GABRA2: variants seen among roughly 807,000 people sequenced by gnomAD.
GABRA2 encodes gamma-aminobutyric acid receptor subunit alpha-2.
A neutral mutation model predicts 48.7 loss-of-function variants in GABRA2; 16 were observed. The observed-to-expected ratio is 0.33, with a 90% confidence interval of 0.22 to 0.50. The LOEUF (loss-of-function observed/expected upper bound fraction) is 0.50. GABRA2 is among the 20% of genes least tolerant of loss of function. The pLI, the probability that GABRA2 is intolerant of heterozygous loss-of-function variation, is 0.98. For synonymous variants in GABRA2, 185 were observed against 184.5 expected (o/e 1.00, Z -0.02); for missense variants, 275 against 535.6 (o/e 0.51, Z 4.80).
chr4:46,354,742 G>C (rs754793804), intron 3 of GABRA2, among the ~76,000 whole-genome samples: 1 of 152,116 alleles, frequency 6.6e-6, no homozygotes, highest in Non-Finnish European at 1.5e-5. Flanking sequence ...GATTCCTCTT[G>C]ATGTCACACA....
chr4:46,259,686 C>T (rs1351770366), intron 9 of GABRA2, among the ~76,000 whole-genome samples: 1 of 151,766 alleles, frequency 6.6e-6, no homozygotes, highest in Non-Finnish European at 1.5e-5. Context: ...GTTGGATTGA[C>T]AGATAACCGC....
chr4:46,281,653 G>A (rs1161447752), intron 8 of GABRA2, among the ~76,000 whole-genome samples: 1 of 152,172 alleles, frequency 6.6e-6, no homozygotes, highest in African/African-American at 2.4e-5. Flanking sequence ...TTGCCAGGAT[G>A]ATGTTGGAGT....
At chr4:46,375,357 A>C (rs1715532848) in intron 3 of GABRA2, among the ~76,000 whole-genome samples, 1 of 152,214 alleles carries the variant, frequency 6.6e-6, no homozygotes, top group South Asian at 2.1e-4. Flanking sequence ...CAACACTAAA[A>C]ATTTAGAAGA....
chr4:46,379,734 A>G (rs912655465), intron 3 of GABRA2, among the ~76,000 whole-genome samples: 2 of 152,192 alleles, frequency 1.3e-5, no homozygotes, highest in Non-Finnish European at 2.9e-5. Flanking sequence ...ATCAGCCTTG[A>G]CTGCAGCTGC....
At chr4:46,363,023 C>G (rs1286343999) in intron 3 of GABRA2, among the ~76,000 whole-genome samples, 1 of 152,066 alleles carries the variant, frequency 6.6e-6, no homozygotes, top group East Asian at 1.9e-4. Flanking sequence ...GTTTCTACCC[C>G]CTTGCCTATG....
intron 4 of GABRA2, among the ~76,000 whole-genome samples, chr4:46,314,852 T>C (rs186268645): frequency 2.0e-5 from 3 of 152,240 alleles, no homozygotes; most frequent in African/African-American, 7.2e-5. Flanking sequence ...CATCCCATAG[T>C]GTAGATGAAT....
intron 8 of GABRA2, chr4:46,303,206 C>G (rs1726052900): frequency 4.7e-6 from 2 of 422,480 alleles, no homozygotes; most frequent in Admixed American, 8.3e-5. Flanking sequence ...AAATGTTGAA[C>G]AGCAGTATGA....
At chr4:46,272,118 G>T (rs1245261888) in intron 8 of GABRA2, among the ~76,000 whole-genome samples, 1 of 151,960 alleles carries the variant, frequency 6.6e-6, no homozygotes. Context: ...TAATGCTGCA[G>T]TATATATAGC....
chr4:46,377,382 C>T (rs1000711937), intron 3 of GABRA2, among the ~76,000 whole-genome samples: 3 of 151,550 alleles, frequency 2.0e-5, no homozygotes, highest in African/African-American at 7.3e-5. Context: ...CACCTCTGCC[C>T]TGCCGCCCCG....
chr4:46,311,313 G>T (rs1727607012), intron 5 of GABRA2, among the ~76,000 whole-genome samples: 1 of 152,082 alleles, frequency 6.6e-6, no homozygotes, highest in Non-Finnish European at 1.5e-5. Flanking sequence ...AAATAGCATA[G>T]GACTGTATTG....
chr4:46,354,496 A>G (rs1735656733), intron 3 of GABRA2, among the ~76,000 whole-genome samples: 3 of 152,156 alleles, frequency 2.0e-5, no homozygotes, highest in African/African-American at 7.2e-5. Flanking sequence ...ACAGGGAACA[A>G]GGGTGAATTT....
intron 3 of GABRA2, among the ~76,000 whole-genome samples, chr4:46,363,299 G>A (rs1186489404): frequency 1.3e-5 from 2 of 152,088 alleles, no homozygotes; most frequent in East Asian, 1.9e-4. Context: ...AAGCATTAAC[G>A]GATAGAACTA....
chr4:46,274,927 C>T (rs1047061899), intron 8 of GABRA2, among the ~76,000 whole-genome samples: 14 of 151,876 alleles, frequency 9.2e-5, no homozygotes, highest in African/African-American at 3.1e-4. Flanking sequence ...TGCAAGAGTC[C>T]CATCTAGTGG....
intron 3 of GABRA2, among the ~76,000 whole-genome samples, chr4:46,354,370 G>T (rs1355121081): frequency 6.6e-6 from 1 of 152,152 alleles, no homozygotes; most frequent in East Asian, 1.9e-4. Context: ...TTTCTGGACT[G>T]AGAAGCATAA....
chr4:46,373,593 C>T (rs1456858115), intron 3 of GABRA2, among the ~76,000 whole-genome samples: 6 of 152,024 alleles, frequency 3.9e-5, no homozygotes, highest in Non-Finnish European at 5.9e-5. Flanking sequence ...TATCTCTGAT[C>T]CTGCAACTCT....
chr4:46,340,792 A>G (rs1445065676), intron 3 of GABRA2, among the ~76,000 whole-genome samples: 1 of 152,004 alleles, frequency 6.6e-6, no homozygotes, highest in Non-Finnish European at 1.5e-5. Flanking sequence ...CAATTGGGGA[A>G]CTTCCTAACC....
chr4:46,311,978 A>G, intron 5 of GABRA2, among the ~76,000 whole-genome samples: 1 of 152,140 alleles, frequency 6.6e-6, no homozygotes, highest in Non-Finnish European at 1.5e-5. Flanking sequence ...ACGTGCCTGT[A>G]GTATCAGCTA....
chr4:46,266,058 T>C (rs116601259), intron 8 of GABRA2, among the ~76,000 whole-genome samples: 1 of 151,912 alleles, frequency 6.6e-6, no homozygotes, highest in African/African-American at 2.4e-5. Flanking sequence ...TTCGAATTTA[T>C]TGAGACTTGT....
chr4:46,365,929 A>G (rs1436559800), intron 3 of GABRA2: 2 of 152,118 alleles, frequency 1.3e-5, no homozygotes, highest in African/African-American at 4.8e-5. Flanking sequence ...TCCCTTCTTC[A>G]TGTATCATAT....
Sources: gnomAD v4.1 joint callset for allele counts (sites outside exome capture counted in the v4.1 genomes callset) on GRCh38, gnomAD v4.1.1 for gene constraint, MANE v1.5 for transcripts, NCBI Gene and HGNC (gene_info 2026-07-23, HGNC 2026-07-21) for gene names.